TJP1: variants seen among roughly 807,000 people sequenced by gnomAD.
The protein encoded by TJP1 is tight junction protein ZO-1.
Under a neutral mutation model 194.2 loss-of-function variants are expected in TJP1, and 43 were observed. The ratio of observed to expected loss-of-function variants is 0.22; its 90% CI spans 0.17 to 0.29. The LOEUF (loss-of-function observed/expected upper bound fraction) is 0.29, where lower values mean the gene tolerates loss of function less well. Ranked by LOEUF, TJP1 falls within the 10% of genes least tolerant of loss-of-function variation. The pLI is 1.00. For missense variants in TJP1, 1,971 were observed against 2,185.7 expected (o/e 0.90, Z 1.96); for synonymous variants, 801 against 779.0 (o/e 1.03, Z -0.47).
chr15:29,724,118 A>C (rs1311499910), intron 18 of TJP1, among the ~76,000 whole-genome samples: 2 of 152,204 alleles, frequency 1.3e-5, no homozygotes, highest in Non-Finnish European at 2.9e-5. Flanking sequence ...CTTGGGAGTC[A>C]AGTTGCCTGA....
intron 2 of TJP1, among the ~76,000 whole-genome samples, chr15:29,883,803 G>A: frequency 6.6e-6 from 1 of 152,240 alleles, no homozygotes; most frequent in East Asian, 1.9e-4. Context: ...TATAAATCTT[G>A]TAGAATTTGT....
chr15:29,708,676 T>C lies in TJP1; in HGVS notation c.4733A>G (p.His1578Arg), dbSNP rs1196828741. ...AAACTCAGGAGGCTGTGCCAAACTG[T>C]GCGATTTCACAAGAGTTTTTGGAGA... Reference protein sequence around the residue: ...PTSPKTLVKSHSLAQPPEFDS... With the variant: ...PTSPKTLVKSRSLAQPPEFDS... The change falls in exon 25 of 28, where the codon CAC (histidine) becomes CGC (arginine). Residue 1578 changes from histidine to arginine, a missense_variant. Around this residue, in one of 5 missense-constraint regions of TJP1, gnomAD observed 1,108 missense variants for 1,128.5 expected, o/e 0.98. Transcript: ENST00000614355. 3 of 1,614,122 alleles carry C rather than the reference T, an allele frequency of 1.9e-6. No homozygotes were observed. The highest frequency in any genetic ancestry group is 2.7e-5 in the African/African-American group (2 of 74,948).
upstream of TJP1, chr15:29,968,924 C>G (rs533032228): frequency 5.0e-6 from 1 of 200,630 alleles, no homozygotes; most frequent in African/African-American, 2.4e-5. Flanking sequence ...GTGCGTGGCC[C>G]GGGCTCCCGC....
intron 1 of TJP1, among the ~76,000 whole-genome samples, chr15:29,963,102 T>C (rs1428589005): frequency 2.0e-5 from 3 of 152,212 alleles, no homozygotes; most frequent in South Asian, 2.1e-4. Flanking sequence ...GATCGCGCCA[T>C]TGCACTCCAG....
chr15:29,960,476 TA>T (rs2056113409), intron 1 of TJP1, among the ~76,000 whole-genome samples: 1 of 149,258 alleles, frequency 6.7e-6, no homozygotes. Context: ...CTACAAAAAA[TA>T]CAAAAAAACT....
At chr15:29,763,540 C>T (rs549604392) in intron 5 of TJP1, among the ~76,000 whole-genome samples, 10 of 151,912 alleles carry the variant, frequency 6.6e-5, no homozygotes, top group South Asian at 2.1e-4. Context: ...GAGGCCAAGG[C>T]GGGCGGACCA....
chr15:29,767,476 G>A (rs2046397918), intron 4 of TJP1, among the ~76,000 whole-genome samples: 1 of 152,108 alleles, frequency 6.6e-6, no homozygotes, highest in East Asian at 1.9e-4. Context: ...GTTTGCATGA[G>A]ACATCCTGTT....
chr15:29,765,020 G>A (rs966931017), intron 5 of TJP1, among the ~76,000 whole-genome samples: 1 of 152,116 alleles, frequency 6.6e-6, no homozygotes, highest in African/African-American at 2.4e-5. Flanking sequence ...TAAAGGGCAG[G>A]GTGAGGAGAA....
intron 18 of TJP1, among the ~76,000 whole-genome samples, chr15:29,722,304 C>G (rs2042978012): frequency 6.6e-6 from 1 of 152,208 alleles, no homozygotes; most frequent in South Asian, 2.1e-4. Context: ...CAGGCCCGGC[C>G]CTGCTGCTCT....
intron 2 of TJP1, among the ~76,000 whole-genome samples, chr15:29,863,887 C>T (rs2052192817): frequency 6.6e-6 from 1 of 152,058 alleles, no homozygotes; most frequent in African/African-American, 2.4e-5. Flanking sequence ...ACAAAAAGTA[C>T]ATAGTCTTTT....
At chr15:29,911,934 G>A (rs2054027756) in intron 2 of TJP1, among the ~76,000 whole-genome samples, 1 of 152,178 alleles carries the variant, frequency 6.6e-6, no homozygotes, top group Non-Finnish European at 1.5e-5. Context: ...GATTCTTGGG[G>A]AGTTCGCAAT....
chr15:29,736,575 T>C (rs947627015), intron 11 of TJP1, among the ~76,000 whole-genome samples: 16 of 152,236 alleles, frequency 1.1e-4, no homozygotes, highest in African/African-American at 3.9e-4. Flanking sequence ...GAGGTTTGGA[T>C]ATTTTAAAAA....
chr15:29,734,404 A>G, intron 11 of TJP1, 22 bp from the exon 12 acceptor site: 3 of 1,544,308 alleles, frequency 1.9e-6, no homozygotes, highest in Non-Finnish European at 1.8e-6. Context: ...GATTTCATAA[A>G]TCATTCTTGG....
intron 2 of TJP1, among the ~76,000 whole-genome samples, chr15:29,788,181 A>G (rs997726602): frequency 7.9e-5 from 12 of 152,156 alleles, no homozygotes; most frequent in African/African-American, 2.9e-4. Context: ...TTCAGTTATA[A>G]AAGTTCTTTA....
chr15:29,740,515 C>G (rs966181215), intron 10 of TJP1, among the ~76,000 whole-genome samples: 1 of 151,782 alleles, frequency 6.6e-6, no homozygotes, highest in African/African-American at 2.4e-5. Flanking sequence ...TCCTTTCATC[C>G]CAGCTACTCA....
At chr15:29,855,616 G>A (rs1358822182) in intron 2 of TJP1, among the ~76,000 whole-genome samples, 1 of 152,142 alleles carries the variant, frequency 6.6e-6, no homozygotes, top group African/African-American at 2.4e-5. Flanking sequence ...AGCACTTTGG[G>A]AGGCCAAGGC....
intron 2 of TJP1, among the ~76,000 whole-genome samples, chr15:29,842,459 G>A (rs1281416940): frequency 6.6e-6 from 1 of 151,756 alleles, no homozygotes; most frequent in East Asian, 1.9e-4. Context: ...CCCACCGCAG[G>A]TGCACCCACA....
intron 2 of TJP1, among the ~76,000 whole-genome samples, chr15:29,837,166 A>G (rs2051063904): frequency 6.6e-6 from 1 of 152,142 alleles, no homozygotes; most frequent in South Asian, 2.1e-4. Context: ...TAAACAGAAC[A>G]ACAATAGAAC....
chr15:29,939,962 C>A (rs1475614029), intron 2 of TJP1, among the ~76,000 whole-genome samples: 1 of 152,010 alleles, frequency 6.6e-6, no homozygotes, highest in African/African-American at 2.4e-5. Flanking sequence ...TATGTTATAG[C>A]AGGCAAAAAG....
Sources: allele counts gnomAD v4.1 joint callset (sites outside exome capture counted in the v4.1 genomes callset), GRCh38; gene constraint gnomAD v4.1.1; regional missense constraint gnomAD v4.1.1; transcripts MANE v1.5; gene names NCBI Gene and HGNC (gene_info 2026-07-23, HGNC 2026-07-21).